The following INPP4B variants were observed in gnomAD, a reference collection of about 807,000 sequenced individuals.
INPP4B encodes inositol polyphosphate 4-phosphatase type II.
In INPP4B, 55 loss-of-function variants were observed where a neutral mutation model predicts 122.5. The observed-to-expected ratio is 0.45, with a 90% CI of 0.36 to 0.56. The LOEUF (loss-of-function observed/expected upper bound fraction) is 0.56, where lower values mean the gene tolerates loss of function less well. Among genes scored for constraint, INPP4B ranks in the 20% least tolerant of loss-of-function variants. The probability of loss-of-function intolerance (pLI) is 0.00; values close to 1 mark genes in which losing one functional copy is unlikely to be tolerated. For missense variants in INPP4B, 1,000 were observed against 1,097.7 expected, an observed-to-expected ratio of 0.91 and a Z score of 1.26; for synonymous variants, 403 against 388.7, an observed-to-expected ratio of 1.04 and a Z score of -0.43.
chr4:142,607,036 A>G (rs2150321239), intron 2 of INPP4B, among the ~76,000 whole-genome samples: 1 of 152,044 alleles, frequency 6.6e-6, no homozygotes, highest in Non-Finnish European at 1.5e-5. Context: ...TATGATTATT[A>G]ACTTATATTT....
At chr4:142,751,563 T>C (rs1769723236) in intron 1 of INPP4B, among the ~76,000 whole-genome samples, 1 of 152,110 alleles carries the variant, frequency 6.6e-6, no homozygotes, top group African/African-American at 2.4e-5. Context: ...CACTCTGCTT[T>C]TTAAATTCAT....
chr4:142,247,937 T>C (rs1729753430), intron 11 of INPP4B, among the ~76,000 whole-genome samples: 1 of 152,196 alleles, frequency 6.6e-6, no homozygotes, highest in Admixed American at 6.5e-5. Flanking sequence ...TCAGATAAGA[T>C]ACACCTGTTG....
In INPP4B at chr4:142,532,490, G is replaced by T. The variant is rs1580303376; in HGVS notation, c.-190-69764C>A. ...TCCATTACATGCTCTGATCATCCCT[G>T]GCTTCCCTTTTTCATAGCACTCATC... On this transcript the variant is annotated intron_variant, in intron 2 of 25. Transcript: ENST00000262992. 2.0e-5 allele frequency among the ~76,000 whole-genome samples: 3 copies of T among 152,082 alleles called. No homozygotes were observed. In the South Asian group the frequency reaches 6.2e-4, roughly 32 times the overall value.
At chr4:142,494,771 A>T (rs1425537) in intron 2 of INPP4B, among the ~76,000 whole-genome samples, 54,006 of 151,978 alleles carry the variant, frequency 0.36, 12,032 homozygotes, top group African/African-American at 0.61. Context: ...TAGTCCCACA[A>T]AAATCTCATT....
chr4:142,782,995 C>T (rs1327115271), intron 1 of INPP4B, among the ~76,000 whole-genome samples: 1 of 151,940 alleles, frequency 6.6e-6, no homozygotes, highest in African/African-American at 2.4e-5. Flanking sequence ...CTTCCTTACA[C>T]CTTATACAAA....
At chr4:142,679,052 A>G (rs1255027588) in intron 2 of INPP4B, among the ~76,000 whole-genome samples, 2 of 151,854 alleles carry the variant, frequency 1.3e-5, no homozygotes, top group Non-Finnish European at 1.5e-5. Flanking sequence ...CCTTTCATCT[A>G]CTTCAGTTTA....
At chr4:142,240,192 T>G (rs1336037525) in intron 11 of INPP4B, among the ~76,000 whole-genome samples, 1 of 147,190 alleles carries the variant, frequency 6.8e-6, no homozygotes. Flanking sequence ...AGCATGCCAG[T>G]TTTTTTTTTC....
intron 24 of INPP4B, among the ~76,000 whole-genome samples, chr4:142,085,752 T>C (rs1339343700): frequency 1.3e-5 from 2 of 152,244 alleles, no homozygotes; most frequent in Admixed American, 1.3e-4. Flanking sequence ...GGAGCCTTAC[T>C]GAAGCTGTGA....
chr4:142,472,658 T>C (rs1185703162), intron 2 of INPP4B, among the ~76,000 whole-genome samples: 1 of 152,186 alleles, frequency 6.6e-6, no homozygotes, highest in Non-Finnish European at 1.5e-5. Context: ...CTTGCACAAA[T>C]TTTTTCCTTT....
chr4:142,124,818 T>A (rs1440660389), intron 18 of INPP4B, 58 bp from the exon 19 acceptor site: 5 of 1,265,410 alleles, frequency 4.0e-6, no homozygotes, highest in Non-Finnish European at 3.1e-6. Flanking sequence ...TGGAATATAA[T>A]GCAGAACCAA....
At chr4:142,452,343 C>A (rs1479440143) in intron 3 of INPP4B, among the ~76,000 whole-genome samples, 1 of 152,150 alleles carries the variant, frequency 6.6e-6, no homozygotes, top group Non-Finnish European at 1.5e-5. Flanking sequence ...CACATGGACC[C>A]ACTTTGGGAA....
chr4:142,404,641 A>C lies in INPP4B; in HGVS notation c.255+565T>G, dbSNP rs1802720885. On this transcript the variant is annotated intron_variant, in intron 6 of 25. Coordinates refer to ENST00000262992, the MANE Select transcript of INPP4B (RefSeq NM_001101669.3). ...ATTTATACTTTTTGCCTAAAAACAT[A>C]GTTTGTCAAATTAATCATCTACTTT... is the stretch of plus-strand genomic sequence containing the variant. Among the ~76,000 whole-genome samples the C allele has an allele frequency of 2.0e-5, 3 of 152,338 alleles. No homozygotes were observed. The East Asian group carries it at 5.8e-4, about 29-fold the overall frequency.
intron 7 of INPP4B, chr4:142,347,578 T>C: frequency 2.6e-6 from 1 of 384,058 alleles, no homozygotes; most frequent in South Asian, 2.1e-5. Flanking sequence ...AAGATGCTAT[T>C]ATTTTCATTT....
chr4:142,172,369 C>A (rs1452579627), intron 16 of INPP4B, among the ~76,000 whole-genome samples: 2 of 151,818 alleles, frequency 1.3e-5, no homozygotes, highest in African/African-American at 4.8e-5. Flanking sequence ...ATATGTTCTC[C>A]ATAATTCTGA....
intron 1 of INPP4B, among the ~76,000 whole-genome samples, chr4:142,817,572 G>C (rs985032898): frequency 6.6e-6 from 1 of 152,070 alleles, no homozygotes; most frequent in Admixed American, 6.6e-5. Context: ...ACAGGGTGAC[G>C]ATAATGCCTT....
chr4:142,675,341 A>T (rs548974889), intron 2 of INPP4B, among the ~76,000 whole-genome samples: 1 of 152,300 alleles, frequency 6.6e-6, no homozygotes, highest in East Asian at 1.9e-4. Flanking sequence ...AAGTTCTGAA[A>T]TTGAGGCAGT....
intron 2 of INPP4B, among the ~76,000 whole-genome samples, chr4:142,536,466 T>G (rs2150007538): frequency 6.6e-6 from 1 of 152,300 alleles, no homozygotes; most frequent in Non-Finnish European, 1.5e-5. Context: ...AACAAAAGGC[T>G]ATATCATCAT....
At chr4:142,048,765 A>G (rs1447864911) in intron 25 of INPP4B, among the ~76,000 whole-genome samples, 2 of 152,060 alleles carry the variant, frequency 1.3e-5, no homozygotes, top group Non-Finnish European at 2.9e-5. Context: ...TACATGATAT[A>G]CTTGGATTTA....
Position 142,258,133 on chromosome 4 carries a change from G to A in INPP4B, c.688+2359C>T, listed in dbSNP as rs561077347. On this transcript the variant is annotated intron_variant, in intron 11 of 25. Coordinates refer to ENST00000262992, the MANE Select transcript of INPP4B (RefSeq NM_001101669.3). ...TTCCCTATTTAATAAATGGTGCTGG[G>A]AAAACTGGCTAGCCATATGTAGAAA... Among the ~76,000 whole-genome samples the A allele has an allele frequency of 9.2e-5, 14 of 151,870 alleles. No homozygotes were observed. In the South Asian group the frequency reaches 1.2e-3, roughly 14 times the overall value.
Sources: allele counts gnomAD v4.1 joint callset (sites outside exome capture counted in the v4.1 genomes callset), GRCh38; gene constraint gnomAD v4.1.1; transcripts MANE v1.5; gene names NCBI Gene and HGNC (gene_info 2026-07-23, HGNC 2026-07-21).